Variants in FAM76B observed in about 807,000 individuals in gnomAD.
FAM76B encodes family with sequence similarity 76 member B, also known as protein FAM76B.
In FAM76B, 16 loss-of-function variants were observed where a neutral mutation model predicts 51.8. The observed-to-expected ratio is 0.31, with a 90% CI of 0.21 to 0.47. The LOEUF (loss-of-function observed/expected upper bound fraction) is 0.47, where lower values mean the gene tolerates loss of function less well. Ranked by LOEUF, FAM76B falls within the 20% of genes least tolerant of loss-of-function variation. The probability of loss-of-function intolerance (pLI) is 1.00; values close to 1 mark genes in which losing one functional copy is unlikely to be tolerated. For synonymous variants in FAM76B, 166 were observed against 129.5 expected (o/e 1.28, Z -1.91); for missense variants, 342 against 392.6 (o/e 0.87, Z 1.09).
In FAM76B at chr11:95,789,537, A is replaced by AC; in HGVS notation, c.-60dup. 2.0e-6 allele frequency: 3 copies of AC among 1,488,646 alleles called. No individual in the cohort carries two copies. Among genetic ancestry groups the AC allele is most frequent in the Non-Finnish European group, 2.7e-6 (3 of 1,104,166 alleles). 92.2% of individuals were successfully genotyped at this position (1,488,646 alleles called of 1,614,324 possible). A position where few individuals can be genotyped will look rare whatever the true frequency, so the allele number is the denominator to read the frequency against. ...GCTCCGAGGCGGGGCCCTACGGAGA[A>AC]CCCGAGAGCCGCCGCCGCCCGGGCC... On this transcript the variant is annotated 5_prime_UTR_variant, in exon 1 of 10. Coordinates refer to ENST00000358780, the MANE Select transcript of FAM76B (RefSeq NM_144664.5).
chr11:95,784,911 A>G (rs1415839450), intron 4 of FAM76B, among the ~76,000 whole-genome samples: 3 of 152,104 alleles, frequency 2.0e-5, no homozygotes, highest in Admixed American at 6.6e-5. Flanking sequence ...ATTAAATGAG[A>G]TATCTTCAAA....
In FAM76B at chr11:95,770,999, TTAA is replaced by T. The variant is rs1438766098; in HGVS notation, c.*559_*561del. 6.6e-6 allele frequency: 1 copy of T among 151,694 alleles called. No individual in the cohort carries two copies. The highest frequency in any genetic ancestry group is 2.4e-5 in the African/African-American group (1 of 41,290). 9.4% of individuals were successfully genotyped at this position (151,694 alleles called of 1,614,324 possible). ...TAATGAAAATGCTAGGTTACTAATG[TTAA>T]TGATGTAACTTTAAAAAACAAATTT... On this transcript the variant is annotated 3_prime_UTR_variant, in exon 10 of 10. Transcript: ENST00000358780.
At chr11:95,774,324 C>G (rs1256896887) in intron 9 of FAM76B, among the ~76,000 whole-genome samples, 1 of 151,204 alleles carries the variant, frequency 6.6e-6, no homozygotes, top group Non-Finnish European at 1.5e-5. Flanking sequence ...GTCAAAATGT[C>G]CTATTTAAAT....
At chr11:95,780,017 T>C (rs1860188023) in intron 5 of FAM76B, 91 bp from the exon 6 acceptor site, 3 of 1,207,930 alleles carry the variant, frequency 2.5e-6, no homozygotes, top group Non-Finnish European at 3.5e-6. Flanking sequence ...ACAAATTTTA[T>C]GTTTATAATA....
At chr11:95,779,008 C>G in intron 7 of FAM76B, 51 bp from the exon 8 acceptor site, 1 of 1,599,734 alleles carries the variant, frequency 6.3e-7, no homozygotes. Context: ...GGAAAATTAG[C>G]AGGTGTTCAA....
chr11:95,783,478 G>A (rs757433050), intron 4 of FAM76B, among the ~76,000 whole-genome samples: 2 of 152,176 alleles, frequency 1.3e-5, no homozygotes, highest in Admixed American at 6.5e-5. Flanking sequence ...TAAAACTGAT[G>A]AGGATGACAT....
Position 95,771,572 on chromosome 11 carries a change from T to A in FAM76B, c.1009A>T (p.Thr337Ser). The change falls in exon 10 of 10, where the codon ACA becomes TCA. Residue 337 changes from threonine to serine, a missense_variant. Thr to Ser is a moderately conservative substitution (Grantham distance 58). Transcript: ENST00000358780. Reference sequence around the variant, plus strand: ...AACAAATGACTTTCTCAAGGAGATGTTAGTATGCTTCCACTTTTGTCAAAT... The same window carrying A: ...AACAAATGACTTTCTCAAGGAGATGATAGTATGCTTCCACTTTTGTCAAAT... Reference protein sequence around the residue: ...KKFDKSGSILTSP With the variant: ...KKFDKSGSILSSP The A allele has an allele frequency of 6.2e-7, 1 of 1,605,430 alleles. No individual in the cohort carries two copies.
At position 95,771,636 on chromosome 11, in the gene FAM76B, TTC is replaced by T. The variant is rs775064699; in HGVS notation, c.943_944del (p.Glu315ThrfsTer12). ...TVEQLQAKNR[E>X]LLKQVAALSK... ...ATAATGCTGCGACCTGTTTGAGTAG[TTC>T]TCTGTTTTTGGCCTGTGGGAGACAA... On this transcript the variant is annotated frameshift_variant, in exon 10 of 10. Transcript: ENST00000358780. LOFTEE classifies it high-confidence loss of function. The T allele has an allele frequency of 3.1e-6, 5 of 1,606,142 alleles. No homozygotes were observed. The highest frequency in any genetic ancestry group is 1.7e-5 in the Admixed American group (1 of 59,636).
intron 2 of FAM76B, 42 bp from the exon 3 acceptor site, chr11:95,787,720 C>G (rs1312041816): frequency 6.7e-7 from 1 of 1,488,642 alleles, no homozygotes; most frequent in East Asian, 2.3e-5. Context: ...ATGTAGCTTT[C>G]TAAAGTAATT....
intron 9 of FAM76B, among the ~76,000 whole-genome samples, chr11:95,775,566 A>AATGATTGCTACTG (rs1330011240): frequency 6.6e-6 from 1 of 151,406 alleles, no homozygotes; most frequent in Non-Finnish European, 1.5e-5. Flanking sequence ...TAATGTGAGG[A>AATGATTGCTACTG]ATGATTGCTA....
chr11:95,775,236 G>A (rs1483269464), intron 9 of FAM76B, among the ~76,000 whole-genome samples: 1 of 151,444 alleles, frequency 6.6e-6, no homozygotes, highest in African/African-American at 2.4e-5. Flanking sequence ...ACCTAGAAGA[G>A]AAGCAGCTTA....
Position 95,771,535 on chromosome 11 carries a change from G to A in FAM76B, c.*26C>T, listed in dbSNP as rs1348582550. On this transcript the variant is annotated 3_prime_UTR_variant, in exon 10 of 10. Transcript: ENST00000358780. ...TTTTTTCCCCAAATTTACATTGTAA[G>A]AAGAAATGCTAAACAAATGACTTTC... 1.3e-6 allele frequency: 2 copies of A among 1,575,800 alleles called. No homozygotes were observed. The highest frequency in any genetic ancestry group is 1.1e-5 in the South Asian group (1 of 88,252).
Position 95,778,076 on chromosome 11 carries a change from G to A in FAM76B, c.828+746C>T, listed in dbSNP as rs1860090527. Among the ~76,000 whole-genome samples the A allele has an allele frequency of 2.0e-5, 3 of 151,502 alleles. No homozygotes were observed. The South Asian group carries it at 6.2e-4, about 31-fold the overall frequency. Reference sequence around the variant, plus strand: ...TTAAATGAGAAAACTGAGGTCCAAAGAAGCACACATTCTGCTTTAGGTCAC... The same window carrying A: ...TTAAATGAGAAAACTGAGGTCCAAAAAAGCACACATTCTGCTTTAGGTCAC... On this transcript the variant is annotated intron_variant, in intron 8 of 9. Coordinates refer to ENST00000358780, the MANE Select transcript of FAM76B (RefSeq NM_144664.5).
chr11:95,780,954 A>C (rs1860235464), intron 5 of FAM76B, among the ~76,000 whole-genome samples: 1 of 152,122 alleles, frequency 6.6e-6, no homozygotes, highest in Non-Finnish European at 1.5e-5. Context: ...AGAAAAAAAC[A>C]AACCTTAAGA....
In FAM76B at chr11:95,788,874, G is replaced by A. The variant is rs898562327; in HGVS notation, c.88-311C>T. On this transcript the variant is annotated intron_variant, in intron 1 of 9. Transcript: ENST00000358780. Reference sequence around the variant, plus strand: ...TATTTTGCACCGTTGCTCACAGACAGCATCCAGGCTTTAATGGGATGGGAG... The same window carrying A: ...TATTTTGCACCGTTGCTCACAGACAACATCCAGGCTTTAATGGGATGGGAG... The A allele has an allele frequency of 6.6e-6, 9 of 1,374,020 alleles. No homozygotes were observed. The African/African-American group carries it at 1.0e-4, about 15-fold the overall frequency. 85.1% of individuals were successfully genotyped at this position (1,374,020 alleles called of 1,614,324 possible).
At chr11:95,780,651 T>A (rs141750004) in intron 5 of FAM76B, among the ~76,000 whole-genome samples, 1 of 152,138 alleles carries the variant, frequency 6.6e-6, no homozygotes, top group East Asian at 1.9e-4. Flanking sequence ...AACCCTAGCT[T>A]ATTCACTCAG....
chr11:95,789,335 C>A (rs1860843439), intron 1 of FAM76B, 57 bp downstream of exon 1: 2 of 1,525,464 alleles, frequency 1.3e-6, no homozygotes, highest in African/African-American at 1.4e-5. Context: ...GGCTACCCGG[C>A]CCCCTCCGGC....
rs1813314637 is a variant in FAM76B, at chr11:95,769,226, ATAG to A, written c.*2332_*2334del. ...GGCTAAAAGCACAATACACCACACC[ATAG>A]TATCTCCTTACAGGTCCACATTTAA... On this transcript the variant is annotated 3_prime_UTR_variant, in exon 10 of 10. Coordinates refer to ENST00000358780, the MANE Select transcript of FAM76B (RefSeq NM_144664.5). 6.6e-6 allele frequency: 1 copy of A among 152,380 alleles called. No homozygotes were observed. 9.4% of individuals were successfully genotyped at this position (152,380 alleles called of 1,614,324 possible).
rs1860581874 is a variant in FAM76B, at chr11:95,786,294, T to C, written c.208-20A>G. 6.2e-7 allele frequency: 1 copy of C among 1,612,542 alleles called. No homozygotes were observed. The highest frequency in any genetic ancestry group is 2.2e-5 in the East Asian group (1 of 44,822). On this transcript the variant is annotated intron_variant, in intron 3 of 9. Transcript: ENST00000358780. ...CTTGGGCTGAAAAACATACACATTT[T>C]GAGACTTTTAAAAACATTAAATATT...
Sources: allele counts gnomAD v4.1 joint callset (sites outside exome capture counted in the v4.1 genomes callset), GRCh38; gene constraint gnomAD v4.1.1; transcripts MANE v1.5; gene names NCBI Gene and HGNC (gene_info 2026-07-23, HGNC 2026-07-21).